Variants in LIMK2 observed in about 807,000 individuals in gnomAD.
LIMK2 encodes LIM domain kinase 2.
Under a neutral mutation model 75.7 loss-of-function variants are expected in LIMK2, and 35 were observed. The observed-to-expected ratio is 0.46, with a 90% CI of 0.35 to 0.61. The LOEUF (loss-of-function observed/expected upper bound fraction) is 0.61. LIMK2 is among the 20% of genes least tolerant of loss of function. The pLI, the probability that LIMK2 is intolerant of heterozygous loss-of-function variation, is 0.00. For missense variants in LIMK2, 623 were observed against 831.0 expected (o/e 0.75, Z 3.08); for synonymous variants, 301 against 319.2 (o/e 0.94, Z 0.61).
chr22:31,276,791 C>A lies in LIMK2; in HGVS notation c.1772+1483C>A, dbSNP rs765059313. The A allele has an allele frequency of 2.6e-6, 4 of 1,558,626 alleles. No individual in the cohort carries two copies. Among genetic ancestry groups the A allele is most frequent in the Non-Finnish European group, 3.5e-6 (4 of 1,138,812 alleles). The stretch of plus-strand genomic sequence containing the variant: ...AAGGACCACGCATCTACTTTCAGAG[C>A]CCCCCCCGGGGCCGCAGGAGAGGGC... On this transcript the variant is annotated intron_variant, in intron 15 of 15. Transcript: ENST00000331728.
In LIMK2 at chr22:31,262,546, G is replaced by A. The variant is rs2123842300; in HGVS notation, c.658-49G>A. On this transcript the variant is annotated intron_variant, in intron 6 of 15. Transcript: ENST00000331728. This position sits in a 1 kb window ranked among gnomAD's most constrained non-coding sequence, Gnocchi z 5.0. ...GAGTCATCTGGGTTGGCCATGGGTG[G>A]CCTGGGATGGGGCAGCCTGTGGGAG... is the stretch of plus-strand genomic sequence containing the variant. The A allele has an allele frequency of 6.4e-7, 1 of 1,556,786 alleles. No homozygotes were observed. Among genetic ancestry groups the A allele is most frequent in the South Asian group, 1.2e-5 (1 of 84,024 alleles).
In LIMK2 at chr22:31,262,597, G is replaced by A. The variant is rs1400388486; in HGVS notation, c.660G>A (p.Val220=). Residue 220 remains valine (V), a splice_region_variant and synonymous_variant, in exon 7 of 16, where the codon GTG becomes GTA. Coordinates refer to ENST00000331728, the MANE Select transcript of LIMK2 (RefSeq NM_005569.4). This position sits in a 1 kb window ranked among gnomAD's most constrained non-coding sequence, Gnocchi z 5.0. ...CTTTATACTGCTCTTGGCCACAGGT[G>A]GAGGATGCAATTAGCCAGACGAGCC... The part of the protein sequence containing the change: ...TPVRTLRVEE[V]EDAISQTSQT... The A allele has an allele frequency of 1.9e-6, 3 of 1,610,620 alleles. No homozygotes were observed. Among genetic ancestry groups the A allele is most frequent in the African/African-American group, 1.3e-5 (1 of 74,998 alleles).
At chr22:31,249,153 G>T (rs1365986640) in intron 2 of LIMK2, among the ~76,000 whole-genome samples, 5 of 152,190 alleles carry the variant, frequency 3.3e-5, no homozygotes, top group East Asian at 3.9e-4. Context: ...GCCTGCCCAG[G>T]AATTTGTCCC....
chr22:31,226,599 A>ATATTAT (rs775194123), intron 2 of LIMK2, among the ~76,000 whole-genome samples: 14,664 of 135,528 alleles, frequency 0.11, no homozygotes, highest in African/African-American at 0.23. Context: ...TATTATAGCT[A>ATATTAT]CATTATTATT....
At chr22:31,229,217 C>G (rs1187291382) in intron 2 of LIMK2, among the ~76,000 whole-genome samples, 1 of 152,218 alleles carries the variant, frequency 6.6e-6, no homozygotes, top group African/African-American at 2.4e-5. Context: ...TCTAATCCAG[C>G]TGTGCTGAAG....
chr22:31,236,608 CAA>C (rs929179978), intron 2 of LIMK2, among the ~76,000 whole-genome samples: 49 of 90,948 alleles, frequency 5.4e-4, no homozygotes, highest in East Asian at 6.5e-4. Flanking sequence ...GACCCTATCT[CAA>C]AAAAAAAAAA....
At chr22:31,259,562 C>T (rs371688838) in intron 4 of LIMK2, among the ~76,000 whole-genome samples, 3 of 152,136 alleles carry the variant, frequency 2.0e-5, no homozygotes, top group African/African-American at 7.2e-5. Context: ...AAGAAGTCAG[C>T]CTGGGGCCCA....
intron 1 of LIMK2, among the ~76,000 whole-genome samples, chr22:31,220,137 A>G (rs566383767): frequency 5.8e-4 from 89 of 152,242 alleles, no homozygotes; most frequent in Non-Finnish European, 1.0e-3. Context: ...TAAGACTGTA[A>G]GAGAGCTAAA....
At chr22:31,267,964 C>A in intron 10 of LIMK2, 57 bp downstream of exon 10, 1 of 1,570,932 alleles carries the variant, frequency 6.4e-7, no homozygotes. Context: ...GACACCTATG[C>A]TATCACTACC....
chr22:31,258,996 G>GA (rs2048811300), intron 3 of LIMK2, 125 bp from the exon 4 acceptor site: 1 of 636,044 alleles, frequency 1.6e-6, no homozygotes, highest in African/African-American at 1.8e-5. Flanking sequence ...GGCAGAGAGT[G>GA]AAAGAGTGGA....
intron 2 of LIMK2, among the ~76,000 whole-genome samples, chr22:31,238,316 G>A (rs779651351): frequency 4.6e-5 from 7 of 152,168 alleles, no homozygotes; most frequent in Non-Finnish European, 8.8e-5. Flanking sequence ...ATTTCTTTCA[G>A]TGGCTACTCA....
At chr22:31,228,116 G>C (rs1265574032) in intron 2 of LIMK2, among the ~76,000 whole-genome samples, 1 of 151,928 alleles carries the variant, frequency 6.6e-6, no homozygotes, top group East Asian at 1.9e-4. Flanking sequence ...CGTTAGCATG[G>C]TAGATAAGAG....
At chr22:31,273,700 C>A (rs1311981901) in intron 14 of LIMK2, among the ~76,000 whole-genome samples, 193 bp downstream of exon 14, 1 of 152,102 alleles carries the variant, frequency 6.6e-6, no homozygotes, top group Non-Finnish European at 1.5e-5. Flanking sequence ...GAAGGACTGG[C>A]AGGGTTTTTT....
rs966912679 is a variant in LIMK2 at position 31,279,664 on chromosome 22, G to C, written c.*1223G>C. On this transcript the variant is annotated 3_prime_UTR_variant, in exon 16 of 16. Transcript: ENST00000331728. ...CTCTAGGAACTCTTCATCACAACTA[G>C]ATTTGCCTCTTCTAAGTGTCTATGA... 1 of 152,204 alleles carries C rather than the reference G, an allele frequency of 6.6e-6. No homozygotes were observed. Among genetic ancestry groups the C allele is most frequent in the Non-Finnish European group, 1.5e-5 (1 of 68,042 alleles). The allele number at this position is 152,204 out of a possible 1,614,324, so 9.4% of individuals were successfully genotyped here.
chr22:31,252,246 G>A (rs1294894067), intron 2 of LIMK2, among the ~76,000 whole-genome samples: 1 of 151,916 alleles, frequency 6.6e-6, no homozygotes, highest in Admixed American at 6.6e-5. Flanking sequence ...AAATCTATTA[G>A]AATCAATTGA....
Position 31,258,271 on chromosome 22 carries a change from G to T in LIMK2, c.117-20G>T. ...GTTCCAGGGATCCAGGAGAATTTCA[G>T]TTCTTGTCTTGCCTTTCAGGTGTTC... On this transcript the variant is annotated intron_variant, in intron 2 of 15. Transcript: ENST00000331728. 6.3e-7 allele frequency: 1 copy of T among 1,582,476 alleles called. No homozygotes were observed. Among genetic ancestry groups the T allele is most frequent in the African/African-American group, 1.3e-5 (1 of 74,194 alleles).
At chr22:31,240,307 A>T (rs906179342) in intron 2 of LIMK2, among the ~76,000 whole-genome samples, 2 of 151,916 alleles carry the variant, frequency 1.3e-5, no homozygotes, top group African/African-American at 4.8e-5. Flanking sequence ...AGTAGCACTG[A>T]CTCTTGCAGA....
chr22:31,229,250 G>A (rs991566884), intron 2 of LIMK2, among the ~76,000 whole-genome samples: 2 of 152,204 alleles, frequency 1.3e-5, no homozygotes, highest in African/African-American at 4.8e-5. Context: ...TGACTTCTGA[G>A]CTTTCCCCTG....
chr22:31,246,183 G>GCGCACACACACACACA (rs746599250), intron 2 of LIMK2, among the ~76,000 whole-genome samples: 249 of 135,086 alleles, frequency 1.8e-3, no homozygotes, highest in East Asian at 0.011. Context: ...ACGCACGCAC[G>GCGCACACACACACACA]CACACACACA....
Sources: allele counts gnomAD v4.1 joint callset (sites outside exome capture counted in the v4.1 genomes callset), GRCh38; gene constraint gnomAD v4.1.1; non-coding constraint Gnocchi (gnomAD v3.1); transcripts MANE v1.5; gene names NCBI Gene and HGNC (gene_info 2026-07-23, HGNC 2026-07-21).